The following CNTN5 variants were observed in gnomAD, a reference collection of about 807,000 sequenced individuals.
CNTN5 encodes the protein contactin-5.
Under a neutral mutation model 129.1 loss-of-function variants are expected in CNTN5, and 77 were observed. The ratio of observed to expected loss-of-function variants is 0.60; its 90% CI spans 0.50 to 0.72. The LOEUF is 0.72. CNTN5 is among the 30% of genes least tolerant of loss of function. The pLI, the probability that CNTN5 is intolerant of heterozygous loss-of-function variation, is 0.00. For missense variants in CNTN5, 1,478 were observed against 1,328.8 expected (o/e 1.11, Z -1.75); for synonymous variants, 509 against 465.6 (o/e 1.09, Z -1.20).
chr11:99,490,797 G>A (rs1022539400), intron 2 of CNTN5, among the ~76,000 whole-genome samples: 3 of 152,132 alleles, frequency 2.0e-5, no homozygotes, highest in African/African-American at 7.2e-5. Context: ...ATCTCTCATT[G>A]ATAAAAGTTT....
rs1383814684 is a variant in CNTN5, at chr11:100,259,842, G to A, written c.2164+3924G>A. ...GCACTAAATGCCCACCGGAGAAAGC[G>A]GGAAAGATCTAAATTCAACACCATA... On this transcript the variant is annotated intron_variant, in intron 17 of 24. Transcript: ENST00000524871. Among the ~76,000 whole-genome samples, 17 of 151,400 alleles carry A rather than the reference G, an allele frequency of 1.1e-4. No homozygotes were observed. In the East Asian group the frequency reaches 1.7e-3, roughly 16 times the overall value.
chr11:100,213,332 T>C (rs1949071884), intron 15 of CNTN5, among the ~76,000 whole-genome samples: 1 of 152,170 alleles, frequency 6.6e-6, no homozygotes, highest in Admixed American at 6.5e-5. Flanking sequence ...ATGACTTCAG[T>C]TCCAGCATTT....
chr11:99,381,469 C>G (rs12049873), intron 2 of CNTN5, among the ~76,000 whole-genome samples: 35,002 of 151,854 alleles, frequency 0.23, 4,784 homozygotes, highest in Middle Eastern at 0.32. Context: ...TTGAAAAGGA[C>G]AAAGAAATGG....
chr11:99,888,883 T>G (rs1948970006), intron 6 of CNTN5, among the ~76,000 whole-genome samples: 1 of 152,200 alleles, frequency 6.6e-6, no homozygotes, highest in Non-Finnish European at 1.5e-5. Context: ...TTTCTCTAAG[T>G]TTACATTATG....
intron 6 of CNTN5, among the ~76,000 whole-genome samples, chr11:99,890,154 G>A (rs953633708): frequency 3.9e-5 from 6 of 152,092 alleles, no homozygotes; most frequent in African/African-American, 1.2e-4. Context: ...GAATAAAAAA[G>A]CAATAAAGTG....
At chr11:99,667,307 TTG>T (rs1952833103) in intron 3 of CNTN5, among the ~76,000 whole-genome samples, 1 of 150,846 alleles carries the variant, frequency 6.6e-6, no homozygotes, top group Non-Finnish European at 1.5e-5. Context: ...TTAATAAATT[TTG>T]TAAATAGCTT....
At chr11:99,921,011 G>T (rs1204367168) in intron 7 of CNTN5, among the ~76,000 whole-genome samples, 1 of 152,098 alleles carries the variant, frequency 6.6e-6, no homozygotes. Context: ...TCTACTGAAT[G>T]TGAGAAAACA....
intron 1 of CNTN5, among the ~76,000 whole-genome samples, chr11:99,058,298 A>T (rs926171808): frequency 4.6e-5 from 7 of 152,024 alleles, no homozygotes; most frequent in African/African-American, 1.7e-4. Context: ...GCTATGTCAC[A>T]TAAGTGGTGG....
chr11:99,957,740 A>T (rs1242637551), intron 8 of CNTN5, among the ~76,000 whole-genome samples: 1 of 152,094 alleles, frequency 6.6e-6, no homozygotes, highest in African/African-American at 2.4e-5. Flanking sequence ...AAAATAATCT[A>T]TTTAAGTGCT....
chr11:99,871,123 G>T (rs11221713), intron 6 of CNTN5, among the ~76,000 whole-genome samples: 14,259 of 151,974 alleles, frequency 0.094, 1,305 homozygotes, highest in East Asian at 0.41. Flanking sequence ...ACAGTTACAT[G>T]TTATTACTAT....
intron 9 of CNTN5, among the ~76,000 whole-genome samples, chr11:100,042,280 C>T (rs551634949): frequency 6.6e-6 from 1 of 150,804 alleles, no homozygotes; most frequent in Non-Finnish European, 1.5e-5. Flanking sequence ...GCCTTTGTCT[C>T]AATAGCTTTT....
chr11:100,123,306 C>A (rs1373101588), intron 13 of CNTN5, among the ~76,000 whole-genome samples: 1 of 151,814 alleles, frequency 6.6e-6, no homozygotes, highest in African/African-American at 2.4e-5. Flanking sequence ...AGATAAAAAT[C>A]AGCACTTTCT....
At chr11:99,728,292 T>G (rs1943419971) in intron 3 of CNTN5, among the ~76,000 whole-genome samples, 1 of 152,168 alleles carries the variant, frequency 6.6e-6, no homozygotes, top group African/African-American at 2.4e-5. Context: ...ACTTGAGGTA[T>G]TTTAAAGGAT....
chr11:100,316,361 C>T (rs1364873055), intron 21 of CNTN5, among the ~76,000 whole-genome samples: 1 of 152,092 alleles, frequency 6.6e-6, no homozygotes, highest in Non-Finnish European at 1.5e-5. Flanking sequence ...AAGATCTAGT[C>T]CTTACCCTCA....
At chr11:99,259,279 A>AT (rs1188768442) in intron 1 of CNTN5, among the ~76,000 whole-genome samples, 1 of 151,588 alleles carries the variant, frequency 6.6e-6, no homozygotes, top group African/African-American at 2.4e-5. Context: ...ATAATCTAGT[A>AT]TTTTTCCTCT....
At position 100,356,123 on chromosome 11, in the gene CNTN5, A is replaced by G; in HGVS notation, c.3206A>G (p.Lys1069Arg). 1 of 1,607,562 alleles carries G rather than the reference A, an allele frequency of 6.2e-7. No individual in the cohort carries two copies. The highest frequency in any genetic ancestry group is 8.5e-7 in the Non-Finnish European group (1 of 1,176,134). ...QIRVPSYSGG[K>R]ITSAQSTLHS... ...GATGCTTCTTTTTTCACAGGTGGAA[A>G]AATCACAAGTGCACAGTCGACCCTT... The change falls in exon 25 of 25, where the codon AAA becomes AGA. Residue 1069 changes from lysine (K) to arginine (R), a missense_variant. Physicochemically the swap from Lys to Arg is conservative, Grantham distance 26 (BLOSUM62 2). Coordinates refer to ENST00000524871, the MANE Select transcript of CNTN5 (RefSeq NM_014361.4).
chr11:100,289,293 A>C (rs1261936344), intron 18 of CNTN5, among the ~76,000 whole-genome samples: 5 of 152,220 alleles, frequency 3.3e-5, no homozygotes, highest in African/African-American at 4.8e-5. Context: ...AAAGCCGGGC[A>C]GAGACACAAC....
intron 7 of CNTN5, among the ~76,000 whole-genome samples, chr11:99,943,525 C>T (rs1333164470): frequency 6.6e-6 from 1 of 152,074 alleles, no homozygotes; most frequent in Non-Finnish European, 1.5e-5. Flanking sequence ...TGTGTAGCAG[C>T]TCTTTAGTTT....
chr11:99,639,104 C>T (rs1233873758), intron 3 of CNTN5, among the ~76,000 whole-genome samples: 4 of 152,214 alleles, frequency 2.6e-5, no homozygotes, highest in African/African-American at 4.8e-5. Context: ...AACCTCAATT[C>T]TTGACTTCTG....
Sources: allele counts gnomAD v4.1 joint callset (sites outside exome capture counted in the v4.1 genomes callset), GRCh38; gene constraint gnomAD v4.1.1; transcripts MANE v1.5; gene names NCBI Gene and HGNC (gene_info 2026-07-23, HGNC 2026-07-21).